Variants in BRINP2 observed in about 807,000 individuals in gnomAD.
BRINP2 encodes the protein BMP/retinoic acid inducible neural specific 2.
Under a neutral mutation model 69.2 loss-of-function variants are expected in BRINP2, and 21 were observed. That is an observed-to-expected ratio of 0.30 (90% CI 0.22 to 0.44). BRINP2 has a LOEUF of 0.44. Among genes scored for constraint, BRINP2 ranks in the 20% least tolerant of loss-of-function variants. BRINP2 has a pLI of 1.00. For missense variants in BRINP2, 877 were observed against 986.0 expected (o/e 0.89, Z 1.48); for synonymous variants, 380 against 394.1 (o/e 0.96, Z 0.42).
At chr1:177,276,123 C>A in intron 5 of BRINP2, 75 bp from the exon 6 acceptor site, 2 of 1,362,460 alleles carry the variant, frequency 1.5e-6, no homozygotes, top group Non-Finnish European at 2.1e-6. Context: ...AGCTGGGATT[C>A]CTGCAGGCTT....
intron 1 of BRINP2, among the ~76,000 whole-genome samples, chr1:177,198,504 T>C (rs1270498290): frequency 6.6e-6 from 1 of 152,198 alleles, no homozygotes; most frequent in Non-Finnish European, 1.5e-5. Context: ...TGGGCGACAG[T>C]GCTGTATGGG....
chr1:177,271,501 T>A (rs1178267561), intron 4 of BRINP2, among the ~76,000 whole-genome samples: 2 of 152,208 alleles, frequency 1.3e-5, no homozygotes, highest in African/African-American at 4.8e-5. Flanking sequence ...ACTCTAAAGT[T>A]AGAATCCTGT....
intron 2 of BRINP2, among the ~76,000 whole-genome samples, chr1:177,237,327 T>A (rs1314820565): frequency 6.6e-6 from 1 of 152,248 alleles, no homozygotes; most frequent in Non-Finnish European, 1.5e-5. Flanking sequence ...GCAGTCCAGT[T>A]TGAGTGACAG....
chr1:177,210,586 T>C (rs1182655880), intron 1 of BRINP2, among the ~76,000 whole-genome samples: 1 of 152,258 alleles, frequency 6.6e-6, no homozygotes, highest in Non-Finnish European at 1.5e-5. Context: ...CATGTGGCCA[T>C]TGAGCATTTA....
rs1469182314 is a variant in BRINP2, at chr1:177,171,004, G to T, written c.-805G>T. On this transcript the variant is annotated 5_prime_UTR_variant, in exon 1 of 8. Coordinates refer to ENST00000361539, the MANE Select transcript of BRINP2 (RefSeq NM_021165.4). ...TAGGTACGGAGCGCGGAGTCGGAGC[G>T]GGGACGCGCCGGGCTGCAGCTCTGG... Among the ~76,000 whole-genome samples, 1 of 152,260 alleles carries T rather than the reference G, an allele frequency of 6.6e-6. No individual in the cohort carries two copies. The highest frequency in any genetic ancestry group is 1.5e-5 in the Non-Finnish European group (1 of 68,044).
At chr1:177,226,875 A>G (rs1163317407) in intron 1 of BRINP2, among the ~76,000 whole-genome samples, 1 of 146,364 alleles carries the variant, frequency 6.8e-6, no homozygotes, top group Non-Finnish European at 1.5e-5. Context: ...CCCCATAAGC[A>G]GTTCACCATA....
chr1:177,262,607 A>G (rs4650961), intron 4 of BRINP2, among the ~76,000 whole-genome samples: 121,566 of 152,012 alleles, frequency 0.8, 49,075 homozygotes, highest in East Asian at 0.88. Context: ...TTACCCAGGA[A>G]CTTGAGTGCT....
chr1:177,236,923 A>G (rs1266186425), intron 2 of BRINP2, among the ~76,000 whole-genome samples: 5 of 152,144 alleles, frequency 3.3e-5, no homozygotes, highest in Non-Finnish European at 7.4e-5. Flanking sequence ...GCAACTAAAA[A>G]AAAAAAAAAA....
intron 1 of BRINP2, among the ~76,000 whole-genome samples, chr1:177,225,534 A>G (rs935713448): frequency 6.6e-6 from 1 of 152,194 alleles, no homozygotes; most frequent in Non-Finnish European, 1.5e-5. Flanking sequence ...TGGGGAAGGT[A>G]CTAACTATTT....
chr1:177,235,992 G>A (rs982459001), intron 2 of BRINP2, among the ~76,000 whole-genome samples: 2 of 152,102 alleles, frequency 1.3e-5, no homozygotes, highest in African/African-American at 2.4e-5. Context: ...ATGAAGGAAC[G>A]GTATACAAAC....
rs114057966 is a variant in BRINP2 at position 177,199,053 on chromosome 1, A to G, written c.-77+27321A>G. ...CTGAGGTAATATTTTAGGTAAGGAAAAAAAGCCACCCTTCAAGATTTTCAT... is the reference window on the plus strand; with the variant it reads ...CTGAGGTAATATTTTAGGTAAGGAAGAAAAGCCACCCTTCAAGATTTTCAT... On this transcript the variant is annotated intron_variant, in intron 1 of 7. Coordinates refer to ENST00000361539, the MANE Select transcript of BRINP2 (RefSeq NM_021165.4). Among the ~76,000 whole-genome samples the G allele has an allele frequency of 2.7e-3, 407 of 152,328 alleles. 2 individuals are homozygous for G. The highest frequency in any genetic ancestry group is 9.3e-3 in the African/African-American group (387 of 41,586).
intron 4 of BRINP2, among the ~76,000 whole-genome samples, chr1:177,269,194 A>G (rs1033987995): frequency 1.3e-5 from 2 of 152,190 alleles, no homozygotes; most frequent in Non-Finnish European, 2.9e-5. Flanking sequence ...TAGGGCTGCC[A>G]TCCCTTCTGA....
intron 4 of BRINP2, among the ~76,000 whole-genome samples, chr1:177,258,508 A>G (rs1480073264): frequency 6.6e-6 from 1 of 152,216 alleles, no homozygotes; most frequent in Non-Finnish European, 1.5e-5. Context: ...ATATACAGGC[A>G]ATAGCTCATT....
chr1:177,215,825 TG>T (rs1649360125), intron 1 of BRINP2, among the ~76,000 whole-genome samples: 1 of 152,128 alleles, frequency 6.6e-6, no homozygotes, highest in Non-Finnish European at 1.5e-5. Flanking sequence ...GGCTCCACTG[TG>T]GGGTCATATG....
At chr1:177,270,754 G>A (rs1241336701) in intron 4 of BRINP2, among the ~76,000 whole-genome samples, 1 of 152,266 alleles carries the variant, frequency 6.6e-6, no homozygotes, top group East Asian at 1.9e-4. Flanking sequence ...GCAGGGACAG[G>A]CAAGCCTCCA....
At chr1:177,182,518 G>A (rs1648291362) in intron 1 of BRINP2, among the ~76,000 whole-genome samples, 2 of 152,266 alleles carry the variant, frequency 1.3e-5, no homozygotes, top group Non-Finnish European at 1.5e-5. Context: ...AATGTTTGGA[G>A]GCTTTATGCA....
intron 1 of BRINP2, among the ~76,000 whole-genome samples, chr1:177,200,949 C>T (rs1045736963): frequency 9.2e-5 from 14 of 152,084 alleles, no homozygotes; most frequent in Middle Eastern, 6.9e-3. Context: ...GAATGGAAAA[C>T]CAAATACCGT....
intron 1 of BRINP2, among the ~76,000 whole-genome samples, chr1:177,202,628 G>A (rs1648949090): frequency 6.6e-6 from 1 of 152,070 alleles, no homozygotes; most frequent in South Asian, 2.1e-4. Flanking sequence ...CCAACTATGT[G>A]GTCAATTTTG....
chr1:177,227,821 G>T (rs1289255707), intron 1 of BRINP2, among the ~76,000 whole-genome samples: 5 of 151,932 alleles, frequency 3.3e-5, no homozygotes, highest in Non-Finnish European at 7.4e-5. Flanking sequence ...TTATTTCTGA[G>T]CTATCTATTC....
Sources: gnomAD v4.1 joint callset for allele counts (sites outside exome capture counted in the v4.1 genomes callset) on GRCh38, gnomAD v4.1.1 for gene constraint, MANE v1.5 for transcripts, NCBI Gene and HGNC (gene_info 2026-07-23, HGNC 2026-07-21) for gene names.